C8B: variants seen among roughly 807,000 people sequenced by gnomAD.
C8B encodes complement component C8 beta chain.
Under a neutral mutation model 64.6 loss-of-function variants are expected in C8B, and 67 were observed. That is an observed-to-expected ratio of 1.04 (90% confidence interval 0.85 to 1.27). The LOEUF is 1.27. Ranked by LOEUF, C8B falls within the 50% of genes most tolerant of loss-of-function variation. C8B has a pLI of 0.00. For synonymous variants in C8B, 284 were observed against 257.7 expected (o/e 1.10, Z -0.98); for missense variants, 790 against 725.2 (o/e 1.09, Z -1.03).
rs1423456227 is a variant in C8B at position 56,941,001 on chromosome 1, T to C, written c.1246A>G (p.Arg416Gly). Residue 416 changes from arginine to glycine, a missense_variant, in exon 9 of 12, where the codon AGG becomes GGG. Arg to Gly is a moderately radical substitution (Grantham distance 125, BLOSUM62 -2). Transcript: ENST00000371237. ...ACCAAGTCCTCCACCATGGTGTCCCTCTTGTTTCTGTCTGGAATGGACACA... is the reference window on the plus strand; with the variant it reads ...ACCAAGTCCTCCACCATGGTGTCCCCCTTGTTTCTGTCTGGAATGGACACA... Reference protein sequence around the residue: ...ILNEIKDRNKRDTMVEDLVVL... With the variant: ...ILNEIKDRNKGDTMVEDLVVL... The C allele has an allele frequency of 6.2e-7, 1 of 1,613,922 alleles. No homozygotes were observed. Among genetic ancestry groups the C allele is most frequent in the East Asian group, 2.2e-5 (1 of 44,866 alleles).
intron 1 of C8B, 95 bp downstream of exon 1, chr1:56,965,762 T>G: frequency 1.5e-6 from 2 of 1,360,150 alleles, no homozygotes; most frequent in Non-Finnish European, 2.1e-6. Flanking sequence ...CGTTCCTCAT[T>G]CAATAGGCAT....
At chr1:56,939,982 GT>G (rs1644826717) in intron 9 of C8B, among the ~76,000 whole-genome samples, 1 of 151,190 alleles carries the variant, frequency 6.6e-6, no homozygotes, top group Non-Finnish European at 1.5e-5. Context: ...AGACATGTTA[GT>G]TGTTGTGATG....
rs548519847 is a variant in C8B, at chr1:56,940,910, G to A, written c.1337C>T (p.Ala446Val). The A allele has an allele frequency of 2.4e-5, 39 of 1,613,914 alleles. No homozygotes were observed. The highest frequency in any genetic ancestry group is 8.0e-5 in the African/African-American group (6 of 74,870). The change falls in exon 9 of 12, where the codon GCG (alanine) becomes GTG (valine). Residue 446 changes from alanine (A) to valine (V), a missense_variant. Physicochemically the swap from Ala to Val is moderately conservative, Grantham distance 64. Transcript: ENST00000371237. ...TTLAYQELPT[A>V]DLMQEWGDAV... Reference sequence around the variant, plus strand: ...GTCTCCCCACTCCTGCATCAGGTCCGCCGTCGGCAGCTCCTGGTATGCCAG... The same window carrying A: ...GTCTCCCCACTCCTGCATCAGGTCCACCGTCGGCAGCTCCTGGTATGCCAG...
Position 56,948,862 on chromosome 1 carries a change from G to A in C8B, c.864+693C>T, listed in dbSNP as rs542973506. 4.6e-5 allele frequency among the ~76,000 whole-genome samples: 7 copies of A among 152,146 alleles called. No individual in the cohort carries two copies. The East Asian group carries it at 1.4e-3, about 29-fold the overall frequency. On this transcript the variant is annotated intron_variant, in intron 6 of 11. Coordinates refer to ENST00000371237, the MANE Select transcript of C8B (RefSeq NM_000066.4). The stretch of plus-strand genomic sequence containing the variant: ...TCTGGGATAAAAGTCAAATTCCTGT[G>A]GGCTAAAAAGTCTCCAGAGAAGTTC...
chr1:56,950,599 C>T (rs1171860430), intron 5 of C8B, among the ~76,000 whole-genome samples: 1 of 152,186 alleles, frequency 6.6e-6, no homozygotes, highest in Non-Finnish European at 1.5e-5. Context: ...TGCAACAGCT[C>T]AGCCGCTACA....
At chr1:56,930,880 C>T (rs943195475) in intron 11 of C8B, among the ~76,000 whole-genome samples, 1 of 152,076 alleles carries the variant, frequency 6.6e-6, no homozygotes, top group Non-Finnish European at 1.5e-5. Context: ...GCTTTATATG[C>T]CTCCTTACAA....
chr1:56,946,027 T>C lies in C8B; in HGVS notation c.899A>G (p.Glu300Gly). Residue 300 changes from glutamate (E) to glycine (G), a missense_variant, in exon 7 of 12, where the codon GAA becomes GGA. By Grantham distance (98) the Glu-to-Gly change is moderately conservative (BLOSUM62 -2). Transcript: ENST00000371237. ...GGGTTTCAGCTTGTAATGTGCTACTTCAAGGTCAGAGCGTGCATGCAGAAA... is the reference window on the plus strand; with the variant it reads ...GGGTTTCAGCTTGTAATGTGCTACTCCAAGGTCAGAGCGTGCATGCAGAAA... ...SVFLHARSDLEVAHYKLKPRS... is the reference protein window; with the variant it reads ...SVFLHARSDLGVAHYKLKPRS... 6.2e-7 allele frequency: 1 copy of C among 1,614,154 alleles called. No homozygotes were observed. The highest frequency in any genetic ancestry group is 8.5e-7 in the Non-Finnish European group (1 of 1,180,010).
Position 56,936,974 on chromosome 1 carries a change from T to G in C8B, c.1399-3486A>C, listed in dbSNP as rs147421851. Among the ~76,000 whole-genome samples the G allele has an allele frequency of 7.5e-3, 1,136 of 152,342 alleles. 12 individuals are homozygous for G. Among genetic ancestry groups the G allele is most frequent in the African/African-American group, 0.025 (1,039 of 41,568 alleles). On this transcript the variant is annotated intron_variant, in intron 9 of 11. Coordinates refer to ENST00000371237, the MANE Select transcript of C8B (RefSeq NM_000066.4). ...ATCCAACATTGTCTTTCCAGGCATATGCTGCCACAGCATTTATATTTTAAG... is the reference window on the plus strand; with the variant it reads ...ATCCAACATTGTCTTTCCAGGCATAGGCTGCCACAGCATTTATATTTTAAG...
chr1:56,949,480 T>C, intron 6 of C8B, 75 bp downstream of exon 6: 1 of 1,267,498 alleles, frequency 7.9e-7, no homozygotes, highest in Non-Finnish European at 1.2e-6. Context: ...TCATCCATTC[T>C]GTGGTGTTTT....
intron 9 of C8B, among the ~76,000 whole-genome samples, chr1:56,934,338 CT>C (rs1024095021): frequency 4.6e-5 from 7 of 152,156 alleles, no homozygotes; most frequent in African/African-American, 1.7e-4. Context: ...GAGGGTTTGG[CT>C]GTCAGAAGCA....
intron 10 of C8B, among the ~76,000 whole-genome samples, chr1:56,932,804 G>A (rs1486404618): frequency 6.6e-6 from 1 of 152,154 alleles, no homozygotes; most frequent in East Asian, 1.9e-4. Flanking sequence ...CCTGGGCTGA[G>A]ACTTGCTGTA....
chr1:56,935,195 C>T (rs1644758738), intron 9 of C8B, among the ~76,000 whole-genome samples: 1 of 152,162 alleles, frequency 6.6e-6, no homozygotes, highest in South Asian at 2.1e-4. Context: ...TGATTATTCC[C>T]ATTTACAGTC....
At chr1:56,959,854 A>G (rs1273756226) in intron 2 of C8B, among the ~76,000 whole-genome samples, 166 bp downstream of exon 2, 1 of 152,218 alleles carries the variant, frequency 6.6e-6, no homozygotes, top group Non-Finnish European at 1.5e-5. Flanking sequence ...AAAGGAAAGA[A>G]CTTATTGCTG....
intron 8 of C8B, among the ~76,000 whole-genome samples, chr1:56,942,783 G>C (rs980650383): frequency 1.3e-5 from 2 of 151,896 alleles, no homozygotes; most frequent in Non-Finnish European, 2.9e-5. Context: ...GTAGGGGGGC[G>C]TCTCTGCCAG....
At chr1:56,951,571 A>G (rs777368654) in intron 5 of C8B, among the ~76,000 whole-genome samples, 4 of 152,220 alleles carry the variant, frequency 2.6e-5, no homozygotes, top group Non-Finnish European at 5.9e-5. Flanking sequence ...ATTTGATAAG[A>G]ATGCAATAAC....
In C8B at chr1:56,933,337, T is replaced by C. The variant is rs767062675; in HGVS notation, c.1550A>G (p.Lys517Arg). The change falls in exon 10 of 12, where the codon AAA (lysine) becomes AGA (arginine). Residue 517 changes from lysine (K) to arginine (R), a missense_variant and splice_region_variant. By Grantham distance (26) the Lys-to-Arg change is conservative. Transcript: ENST00000371237. The stretch of plus-strand genomic sequence containing the variant: ...CACCAGCTGCCTGAAAGTGGTACCT[T>C]TCAGGACAGGGACTCCATTTCCTTG... ...PCQGNGVPVL[K>R]GSRCDCICPV... 7 of 1,613,718 alleles carry C rather than the reference T, an allele frequency of 4.3e-6. No homozygotes were observed. Among genetic ancestry groups the C allele is most frequent in the Non-Finnish European group, 5.9e-6 (7 of 1,179,712 alleles).
At position 56,929,554 on chromosome 1, in the gene C8B, G is replaced by T. The variant is rs781205603; in HGVS notation, c.1626C>A (p.Thr542=). ...LACEVSYRKN[T]PIDGKWNCWS... The stretch of plus-strand genomic sequence containing the variant: ...AGCAATTCCACTTCCCATCAATGGG[G>T]GTATCTATAAGAAAGAAGGTCAATA... The change falls in exon 12 of 12, where the codon ACC becomes ACA. Residue 542 remains threonine (T), a synonymous_variant. Coordinates refer to ENST00000371237, the MANE Select transcript of C8B (RefSeq NM_000066.4). 6.2e-7 allele frequency: 1 copy of T among 1,613,638 alleles called. No individual in the cohort carries two copies. The highest frequency in any genetic ancestry group is 1.7e-4 in the Middle Eastern group (1 of 6,050).
At chr1:56,931,027 G>T (rs1413018944) in intron 11 of C8B, among the ~76,000 whole-genome samples, 1 of 152,168 alleles carries the variant, frequency 6.6e-6, no homozygotes, top group African/African-American at 2.4e-5. Context: ...TCCAAGCTGA[G>T]TTTAAGCACT....
intron 2 of C8B, among the ~76,000 whole-genome samples, chr1:56,957,471 T>C (rs1478683180): frequency 6.6e-6 from 1 of 152,234 alleles, no homozygotes; most frequent in Non-Finnish European, 1.5e-5. Context: ...AATTTACCCA[T>C]CTGTAAAATA....
Sources: allele counts gnomAD v4.1 joint callset (sites outside exome capture counted in the v4.1 genomes callset), GRCh38; gene constraint gnomAD v4.1.1; transcripts MANE v1.5; gene names NCBI Gene and HGNC (gene_info 2026-07-23, HGNC 2026-07-21).